CNTNAP3B: variants seen among roughly 807,000 people sequenced by gnomAD.
CNTNAP3B encodes the protein contactin associated protein family member 3B, also known as contactin-associated protein-like 3B.
A neutral mutation model predicts 108.9 loss-of-function variants in CNTNAP3B; 25 were observed. The ratio of observed to expected loss-of-function variants is 0.23; its 90% CI spans 0.17 to 0.32. The LOEUF is 0.32. Ranked by LOEUF, CNTNAP3B falls within the 10% of genes least tolerant of loss-of-function variation. The pLI, the probability that CNTNAP3B is intolerant of heterozygous loss-of-function variation, is 1.00. For synonymous variants in CNTNAP3B, 103 were observed against 473.4 expected (o/e 0.22, Z 10.16); for missense variants, 252 against 1,210.4 (o/e 0.21, Z 11.75).
chr9:41,935,660 G>T (rs1388455913), intron 14 of CNTNAP3B, among the ~76,000 whole-genome samples: 1 of 152,272 alleles, frequency 6.6e-6, no homozygotes, highest in Non-Finnish European at 1.5e-5. Flanking sequence ...CAAGAGTTGG[G>T]TTAGGATTTC....
intron 11 of CNTNAP3B, among the ~76,000 whole-genome samples, chr9:41,964,205 G>T (rs1304645728): frequency 1.3e-5 from 2 of 152,266 alleles, no homozygotes; most frequent in Non-Finnish European, 2.9e-5. Flanking sequence ...TAAAATTATG[G>T]TCCAACTCAA....
intron 11 of CNTNAP3B, among the ~76,000 whole-genome samples, chr9:41,963,804 A>C (rs1276901587): frequency 6.6e-6 from 1 of 152,308 alleles, no homozygotes; most frequent in African/African-American, 2.4e-5. Flanking sequence ...CTGGGGGCCA[A>C]GTTACTTAAC....
chr9:41,927,012 C>G (rs1447681204), intron 15 of CNTNAP3B, among the ~76,000 whole-genome samples: 1 of 152,304 alleles, frequency 6.6e-6, no homozygotes, highest in Non-Finnish European at 1.5e-5. Context: ...TGGGAGGCAT[C>G]TGAAGCCTGC....
At chr9:41,932,465 G>A (rs1824005990) in intron 14 of CNTNAP3B, among the ~76,000 whole-genome samples, 2 of 151,362 alleles carry the variant, frequency 1.3e-5, no homozygotes, top group Admixed American at 1.3e-4. Flanking sequence ...TTGGGAGGTT[G>A]CAAAGAAAGC....
chr9:41,965,147 T>G (rs1825231351), intron 10 of CNTNAP3B, among the ~76,000 whole-genome samples: 1 of 152,294 alleles, frequency 6.6e-6, no homozygotes, highest in Non-Finnish European at 1.5e-5. Context: ...AGCAGTCGGT[T>G]ATTGCTTTTT....
intron 3 of CNTNAP3B, among the ~76,000 whole-genome samples, chr9:42,028,922 T>C (rs1463237402): frequency 4.6e-5 from 7 of 151,912 alleles, no homozygotes; most frequent in Non-Finnish European, 7.3e-5. Context: ...CATAAATAAA[T>C]TAAAATTTTT....
In CNTNAP3B at chr9:42,118,715, A is replaced by C. The variant is rs1267334075; in HGVS notation, c.85+10295T>G. Among the ~76,000 whole-genome samples, 15 of 114,880 alleles carry C rather than the reference A, an allele frequency of 1.3e-4. 3 individuals carry two copies. Among genetic ancestry groups the C allele is most frequent in the African/African-American group, 5.0e-4 (14 of 27,956 alleles). 75.4% of individuals were successfully genotyped at this position (114,880 alleles called of 152,430 possible). Reference sequence around the variant, plus strand: ...AGAAGGAAATAAAGGGCATTCAATTAGGAAAAGAGGAAGTCAAATTGTCCC... The same window carrying C: ...AGAAGGAAATAAAGGGCATTCAATTCGGAAAAGAGGAAGTCAAATTGTCCC... On this transcript the variant is annotated intron_variant, in intron 1 of 23. Coordinates refer to ENST00000377561, the MANE Select transcript of CNTNAP3B (RefSeq NM_001201380.3).
intron 11 of CNTNAP3B, among the ~76,000 whole-genome samples, chr9:41,963,564 CA>C (rs1365864782): frequency 2.0e-5 from 3 of 151,114 alleles, no homozygotes; most frequent in African/African-American, 4.9e-5. Context: ...ATTGTTCTTA[CA>C]CTTAAATGTC....
intron 13 of CNTNAP3B, among the ~76,000 whole-genome samples, chr9:41,952,925 C>T (rs1379974038): frequency 6.6e-6 from 1 of 152,014 alleles, no homozygotes; most frequent in Non-Finnish European, 1.5e-5. Flanking sequence ...AAGTTATTAG[C>T]AAAATTTCCC....
Position 41,968,714 on chromosome 9 carries a change from A to G in CNTNAP3B, c.1649+1360T>C, listed in dbSNP as rs527591730. On this transcript the variant is annotated intron_variant, in intron 10 of 23. Transcript: ENST00000377561. ...CTGTTTAGCCAGAGAAGATAATTTT[A>G]CAGTTAATGTTTAAAACAGAATTGA... Among the ~76,000 whole-genome samples, 4 of 143,988 alleles carry G rather than the reference A, an allele frequency of 2.8e-5. No individual in the cohort carries two copies. The East Asian group carries it at 8.2e-4, about 30-fold the overall frequency. The allele number at this position is 143,988 out of a possible 152,430, so 94.5% of individuals were successfully genotyped here.
chr9:41,924,727 CAAG>C (rs989660433), intron 15 of CNTNAP3B, among the ~76,000 whole-genome samples: 15 of 151,890 alleles, frequency 9.9e-5, no homozygotes, highest in Admixed American at 7.2e-4. Flanking sequence ...CAATCAAGAA[CAAG>C]AAGAAGCTTA....
intron 13 of CNTNAP3B, among the ~76,000 whole-genome samples, chr9:41,948,070 G>T (rs1436481853): frequency 6.6e-6 from 1 of 151,644 alleles, no homozygotes; most frequent in Non-Finnish European, 1.5e-5. Context: ...TTTTATTGGA[G>T]AATTCTTTTT....
intron 15 of CNTNAP3B, among the ~76,000 whole-genome samples, chr9:41,928,614 C>T (rs1823886110): frequency 6.6e-6 from 1 of 152,300 alleles, no homozygotes. Flanking sequence ...CCACCCCTCT[C>T]AGAAGTAGCC....
In CNTNAP3B at chr9:42,115,342, C is replaced by T. The variant is rs1484685379; in HGVS notation, c.86-10603G>A. 9.8e-5 allele frequency among the ~76,000 whole-genome samples: 13 copies of T among 132,396 alleles called. 1 individual carries two copies. The highest frequency in any genetic ancestry group is 4.8e-4 in the East Asian group (2 of 4,202). 86.9% of individuals were successfully genotyped at this position (132,396 alleles called of 152,430 possible). A position where few individuals can be genotyped will look rare whatever the true frequency, so the allele number is the denominator to read the frequency against. On this transcript the variant is annotated intron_variant, in intron 1 of 23. Coordinates refer to ENST00000377561, the MANE Select transcript of CNTNAP3B (RefSeq NM_001201380.3). ...AGAAGACAGGTGATTTCTGAATTTCCGACTGAGCTTTGGTGACAGTAGTGG... is the reference window on the plus strand; with the variant it reads ...AGAAGACAGGTGATTTCTGAATTTCTGACTGAGCTTTGGTGACAGTAGTGG...
chr9:41,919,667 G>A (rs1231909790), intron 18 of CNTNAP3B, among the ~76,000 whole-genome samples: 3 of 152,268 alleles, frequency 2.0e-5, no homozygotes, highest in East Asian at 1.9e-4. Flanking sequence ...CTCAAGCCTA[G>A]GAGTTCAAGT....
chr9:41,925,680 C>T (rs1198080525), intron 15 of CNTNAP3B, among the ~76,000 whole-genome samples: 4 of 152,300 alleles, frequency 2.6e-5, no homozygotes, highest in African/African-American at 7.2e-5. Context: ...TGTTTATTCA[C>T]GTCACTCTTG....
At chr9:41,929,260 C>G in intron 15 of CNTNAP3B, 57 bp downstream of exon 15, 1 of 1,449,688 alleles carries the variant, frequency 6.9e-7, no homozygotes, top group South Asian at 1.4e-5. Flanking sequence ...TTTGTCTACC[C>G]CTTTATAACC....
chr9:41,921,754 C>A (rs1588040285), intron 17 of CNTNAP3B, among the ~76,000 whole-genome samples: 2 of 151,966 alleles, frequency 1.3e-5, no homozygotes, highest in South Asian at 2.1e-4. Context: ...TGAGCCAGAC[C>A]GGGTTATAAA....
intron 3 of CNTNAP3B, among the ~76,000 whole-genome samples, chr9:42,047,789 TTC>T (rs1176653236): frequency 2.6e-5 from 3 of 114,662 alleles, no homozygotes; most frequent in Non-Finnish European, 5.3e-5. Context: ...TCTTGGTTGG[TTC>T]TCTGTTTGTG....
Sources: allele counts gnomAD v4.1 joint callset (sites outside exome capture counted in the v4.1 genomes callset), GRCh38; gene constraint gnomAD v4.1.1; transcripts MANE v1.5; gene names NCBI Gene and HGNC (gene_info 2026-07-23, HGNC 2026-07-21).